HMGCS2: variants seen among roughly 807,000 people sequenced by gnomAD.
HMGCS2 encodes the protein 3-hydroxy-3-methylglutaryl-CoA synthase 2.
A neutral mutation model predicts 57.4 loss-of-function variants in HMGCS2; 50 were observed. The ratio of observed to expected loss-of-function variants is 0.87; its 90% CI spans 0.69 to 1.10. The LOEUF is 1.10. HMGCS2 is among the 50% of genes least tolerant of loss of function. The pLI, the probability that HMGCS2 is intolerant of heterozygous loss-of-function variation, is 0.00. For synonymous variants in HMGCS2, 254 were observed against 245.1 expected (o/e 1.04, Z -0.34); for missense variants, 627 against 636.5 (o/e 0.99, Z 0.16).
Position 119,757,426 on chromosome 1 carries a change from C to T in HMGCS2, c.863G>A (p.Arg288Gln), listed in dbSNP as rs183046298. Residue 288 changes from arginine (R) to glutamine (Q), a missense_variant, in exon 5 of 10, where the codon CGA becomes CAA. Arg to Gln is a conservative substitution (Grantham distance 43, BLOSUM62 1). Coordinates refer to ENST00000369406, the MANE Select transcript of HMGCS2 (RefSeq NM_005518.4). ...QNQWKQAGSD[R>Q]PFTLDDLQYM... ...CTGTAAATCGTCAAGGGTGAAGGGT[C>T]GATCGCTGCCAGCTGGAAGAGGAAG... 2.5e-5 allele frequency: 41 copies of T among 1,613,866 alleles called. No individual in the cohort carries two copies. The East Asian group carries it at 5.3e-4, about 21-fold the overall frequency.
chr1:119,761,921 G>A (rs191556933), intron 2 of HMGCS2, among the ~76,000 whole-genome samples: 6 of 152,254 alleles, frequency 3.9e-5, no homozygotes, highest in African/African-American at 1.4e-4. Flanking sequence ...TAGAAAGTTT[G>A]ATAATATATA....
chr1:119,757,254 C>A lies in HMGCS2; in HGVS notation c.1016+19G>T, dbSNP rs781641917. 54 of 1,613,850 alleles carry A rather than the reference C, an allele frequency of 3.3e-5. No individual in the cohort carries two copies. The highest frequency in any genetic ancestry group is 4.6e-5 in the Non-Finnish European group (54 of 1,179,908). The stretch of plus-strand genomic sequence containing the variant: ...CTCACACCTCACCAGCCTCTAGGCT[C>A]CCCAAGAAGAGAACTCACCCGAAAG... On this transcript the variant is annotated intron_variant, in intron 5 of 9. Transcript: ENST00000369406.
intron 4 of HMGCS2, among the ~76,000 whole-genome samples, chr1:119,757,964 G>A (rs1164003553): frequency 6.6e-6 from 1 of 152,252 alleles, no homozygotes. Context: ...AGAATTCAGA[G>A]GAGTTAGGAG....
In HMGCS2 at chr1:119,759,943, A is replaced by G. The variant is rs1270791990; in HGVS notation, c.606T>C (p.Ser202=). The change falls in exon 3 of 10, where the codon AGT becomes AGC. Residue 202 remains serine, a synonymous_variant. Transcript: ENST00000369406. ...CCCCACCTGTGGGACGAGCATTACC[A>G]CTGGGATAGACGGCAATGTCTCCAC... ...VVCGDIAVYP[S]GNARPTGGAG... The G allele has an allele frequency of 1.9e-6, 3 of 1,613,928 alleles. No homozygotes were observed. Among genetic ancestry groups the G allele is most frequent in the Admixed American group, 1.7e-5 (1 of 60,004 alleles).
intron 2 of HMGCS2, 67 bp downstream of exon 2, chr1:119,764,105 C>T: frequency 6.8e-7 from 1 of 1,475,610 alleles, no homozygotes; most frequent in Non-Finnish European, 9.5e-7. Flanking sequence ...AACTGAAAAG[C>T]AAAACTGGTA....
In HMGCS2 at chr1:119,768,741, C is replaced by G. The variant is rs751101083; in HGVS notation, c.104G>C (p.Arg35Thr). 1.2e-6 allele frequency: 2 copies of G among 1,610,012 alleles called. No individual in the cohort carries two copies. The highest frequency in any genetic ancestry group is 1.1e-5 in the South Asian group (1 of 91,008). Residue 35 changes from arginine (R) to threonine (T), a missense_variant and splice_region_variant, in exon 1 of 10, where the codon AGG becomes ACG. Coordinates refer to ENST00000369406, the MANE Select transcript of HMGCS2 (RefSeq NM_005518.4). ...AGGTGCTTCTCAGAAAGTGACTCAC[C>G]TTTGGTGGGCTACTGGGAGCAGGCG... ...PARLLPVAHQ[R>T]FSTASAVPLA...
intron 4 of HMGCS2, among the ~76,000 whole-genome samples, chr1:119,757,786 A>T (rs1652899920): frequency 6.6e-6 from 1 of 152,218 alleles, no homozygotes; most frequent in Non-Finnish European, 1.5e-5. Context: ...CTGGCTTTGG[A>T]TTCAGGTTCA....
chr1:119,749,267 G>T (rs866862690), intron 9 of HMGCS2, among the ~76,000 whole-genome samples: 1 of 151,880 alleles, frequency 6.6e-6, no homozygotes, highest in Admixed American at 6.5e-5. Flanking sequence ...CTAAGCACTT[G>T]CAAGAAGCTT....
chr1:119,750,061 C>T (rs959232240), intron 9 of HMGCS2, among the ~76,000 whole-genome samples: 3 of 152,184 alleles, frequency 2.0e-5, no homozygotes, highest in Non-Finnish European at 4.4e-5. Context: ...TCTCTTCTCC[C>T]TATCCTTGTG....
chr1:119,763,156 T>C (rs1364837930), intron 2 of HMGCS2, among the ~76,000 whole-genome samples: 1 of 152,194 alleles, frequency 6.6e-6, no homozygotes, highest in Non-Finnish European at 1.5e-5. Context: ...AATGAACTTT[T>C]GTAATTGCAC....
At chr1:119,760,891 G>A (rs587668726) in intron 2 of HMGCS2, among the ~76,000 whole-genome samples, 16 of 152,004 alleles carry the variant, frequency 1.1e-4, no homozygotes, top group South Asian at 8.3e-4. Context: ...AAGAAACTGA[G>A]GGCTAAAGAA....
At chr1:119,755,196 T>G (rs1198801704) in intron 6 of HMGCS2, among the ~76,000 whole-genome samples, 1 of 152,084 alleles carries the variant, frequency 6.6e-6, no homozygotes, top group African/African-American at 2.4e-5. Flanking sequence ...TTTGTAGAGA[T>G]GAGGTTTCAC....
intron 2 of HMGCS2, among the ~76,000 whole-genome samples, chr1:119,761,243 A>G (rs1464237072): frequency 6.7e-6 from 1 of 149,074 alleles, no homozygotes; most frequent in Non-Finnish European, 1.5e-5. Flanking sequence ...TTAAGGGAAA[A>G]CAATACTTTT....
chr1:119,759,382 T>A, intron 3 of HMGCS2, 100 bp from the exon 4 acceptor site: 3 of 1,175,738 alleles, frequency 2.6e-6, no homozygotes, highest in Non-Finnish European at 3.7e-6. Flanking sequence ...GGTCATTATC[T>A]GTGTCCCATG....
chr1:119,757,358 A>G lies in HMGCS2; in HGVS notation c.931T>C (p.Ser311Pro). 1 of 1,614,172 alleles carries G rather than the reference A, an allele frequency of 6.2e-7. No individual in the cohort carries two copies. Among genetic ancestry groups the G allele is most frequent in the Non-Finnish European group, 8.5e-7 (1 of 1,180,034 alleles). The change falls in exon 5 of 10, where the codon TCT (serine) becomes CCT (proline). Residue 311 changes from serine to proline, a missense_variant. By Grantham distance (74) the Ser-to-Pro change is moderately conservative. Coordinates refer to ENST00000369406, the MANE Select transcript of HMGCS2 (RefSeq NM_005518.4). Reference protein sequence around the residue: ...HTPFCKMVQKSLARLMFNDFL... With the variant: ...HTPFCKMVQKPLARLMFNDFL... ...TCATTGAACATCAGGCGAGCCAGAGACTTCTGGACCATCTTGCAAAAGGGT... is the reference window on the plus strand; with the variant it reads ...TCATTGAACATCAGGCGAGCCAGAGGCTTCTGGACCATCTTGCAAAAGGGT...
At chr1:119,761,073 ATGTG>A (rs996722836) in intron 2 of HMGCS2, among the ~76,000 whole-genome samples, 3 of 149,678 alleles carry the variant, frequency 2.0e-5, no homozygotes, top group African/African-American at 4.9e-5. Context: ...TGCTATGTGC[ATGTG>A]TGTGTGTGTA....
At chr1:119,766,180 C>T (rs959706636) in intron 1 of HMGCS2, among the ~76,000 whole-genome samples, 46 of 152,302 alleles carry the variant, frequency 3.0e-4, no homozygotes, top group African/African-American at 1.1e-3. Flanking sequence ...GATCTCTGTA[C>T]TGCTCCCATA....
In HMGCS2 at chr1:119,748,583, C is replaced by G. The variant is rs749814204; in HGVS notation, c.*264G>C. 1 of 152,164 alleles carries G rather than the reference C, an allele frequency of 6.6e-6. No individual in the cohort carries two copies. Among genetic ancestry groups the G allele is most frequent in the Non-Finnish European group, 1.5e-5 (1 of 68,038 alleles). 9.4% of individuals were successfully genotyped at this position (152,164 alleles called of 1,614,324 possible). On this transcript the variant is annotated 3_prime_UTR_variant, in exon 10 of 10. Transcript: ENST00000369406. ...GTCCAGTGATTCAGGAAGAGGTCTT[C>G]TCTCCATTGCTCCATCTTGCTCTTT...
At position 119,757,336 on chromosome 1, in the gene HMGCS2, T is replaced by C. The variant is rs766507770; in HGVS notation, c.953A>G (p.Asn318Ser). The C allele has an allele frequency of 7.4e-5, 119 of 1,614,080 alleles. 1 individual carries two copies. The highest frequency in any genetic ancestry group is 2.3e-4 in the Admixed American group (14 of 60,004). ...GTCACTGCTGGCTGACAGGAAGTCA[T>C]TGAACATCAGGCGAGCCAGAGACTT... ...VQKSLARLMF[N>S]DFLSASSDTQ... The change falls in exon 5 of 10, where the codon AAT becomes AGT. Residue 318 changes from asparagine to serine, a missense_variant. By Grantham distance (46) the Asn-to-Ser change is conservative. Transcript: ENST00000369406.
Sources: gnomAD v4.1 joint callset for allele counts (sites outside exome capture counted in the v4.1 genomes callset) on GRCh38, gnomAD v4.1.1 for gene constraint, MANE v1.5 for transcripts, NCBI Gene and HGNC (gene_info 2026-07-23, HGNC 2026-07-21) for gene names.